Variants in RANBP9 observed in about 807,000 individuals in gnomAD.
RANBP9 encodes the protein RAN binding protein 9, also known as ran-binding protein 9.
Under a neutral mutation model 84.3 loss-of-function variants are expected in RANBP9, and 15 were observed. The observed-to-expected ratio is 0.18, with a 90% CI of 0.12 to 0.27. The LOEUF (loss-of-function observed/expected upper bound fraction) is 0.27. Ranked by LOEUF, RANBP9 falls within the 10% of genes least tolerant of loss-of-function variation. The pLI, the probability that RANBP9 is intolerant of heterozygous loss-of-function variation, is 1.00. For missense variants in RANBP9, 809 were observed against 912.8 expected (o/e 0.89, Z 1.46); for synonymous variants, 392 against 349.6 (o/e 1.12, Z -1.35).
intron 10 of RANBP9, among the ~76,000 whole-genome samples, chr6:13,637,338 G>C (rs573264124): frequency 2.6e-5 from 4 of 151,942 alleles, no homozygotes; most frequent in African/African-American, 7.3e-5. Context: ...AAGATTATTT[G>C]TAAAGTTAGT....
At chr6:13,665,785 C>G (rs576909524) in intron 2 of RANBP9, among the ~76,000 whole-genome samples, 2 of 152,200 alleles carry the variant, frequency 1.3e-5, no homozygotes, top group South Asian at 4.2e-4. Context: ...GCAACAAAAA[C>G]AAAAATACAA....
chr6:13,625,174 A>AT (rs1415810286), intron 13 of RANBP9, among the ~76,000 whole-genome samples: 2 of 152,108 alleles, frequency 1.3e-5, no homozygotes, highest in Non-Finnish European at 2.9e-5. Context: ...TCTTGTGACA[A>AT]TTATTAATCT....
chr6:13,655,710 G>C (rs1562306964), intron 4 of RANBP9, among the ~76,000 whole-genome samples: 1 of 152,046 alleles, frequency 6.6e-6, no homozygotes, highest in African/African-American at 2.4e-5. Flanking sequence ...AAGAGATTGT[G>C]GTTTTTTCAA....
chr6:13,655,630 T>TTG (rs1407050289), intron 4 of RANBP9, among the ~76,000 whole-genome samples: 2 of 152,184 alleles, frequency 1.3e-5, no homozygotes, highest in South Asian at 2.1e-4. Context: ...AATAAAATCA[T>TTG]TATCACCTGT....
At chr6:13,673,969 A>G (rs925890296) in intron 2 of RANBP9, among the ~76,000 whole-genome samples, 8 of 151,982 alleles carry the variant, frequency 5.3e-5, no homozygotes, top group Non-Finnish European at 1.2e-4. Context: ...TTGTAGTTCT[A>G]GCCACTTGGG....
chr6:13,702,903 C>T (rs1046212699), intron 1 of RANBP9, among the ~76,000 whole-genome samples: 1 of 152,172 alleles, frequency 6.6e-6, no homozygotes, highest in Non-Finnish European at 1.5e-5. Context: ...ACTGCTCTCC[C>T]TAAAGTCACA....
chr6:13,671,176 T>C (rs1765771606), intron 2 of RANBP9, among the ~76,000 whole-genome samples: 1 of 152,178 alleles, frequency 6.6e-6, no homozygotes, highest in Non-Finnish European at 1.5e-5. Context: ...TTGACAAGAA[T>C]GTGGAGAAAC....
At chr6:13,651,570 A>AC (rs1562305424) in intron 5 of RANBP9, among the ~76,000 whole-genome samples, 1 of 141,626 alleles carries the variant, frequency 7.1e-6, no homozygotes, top group African/African-American at 2.6e-5. Context: ...AATTTTTTGT[A>AC]TTTTTTTTTT....
intron 5 of RANBP9, among the ~76,000 whole-genome samples, chr6:13,648,685 A>C (rs1177223858): frequency 6.6e-6 from 1 of 152,228 alleles, no homozygotes; most frequent in Non-Finnish European, 1.5e-5. Flanking sequence ...TCTCAATAGC[A>C]CAGCTTTGGT....
At chr6:13,674,618 G>A (rs1000007568) in intron 2 of RANBP9, among the ~76,000 whole-genome samples, 1 of 152,154 alleles carries the variant, frequency 6.6e-6, no homozygotes, top group African/African-American at 2.4e-5. Context: ...CCACCACCCA[G>A]GCACAAGTGT....
intron 13 of RANBP9, among the ~76,000 whole-genome samples, chr6:13,623,109 G>C (rs758356664): frequency 2.6e-5 from 4 of 152,036 alleles, no homozygotes; most frequent in Admixed American, 1.3e-4. Flanking sequence ...AAATTTTCAG[G>C]GTCCTGCATA....
chr6:13,630,620 G>C (rs185782887), intron 12 of RANBP9, among the ~76,000 whole-genome samples: 1 of 152,026 alleles, frequency 6.6e-6, no homozygotes, highest in Non-Finnish European at 1.5e-5. Context: ...CAGGGGATCT[G>C]TGAAGTCAAA....
In RANBP9 at chr6:13,634,969, C is replaced by T. The variant is rs1434812736; in HGVS notation, c.1674-417G>A. On this transcript the variant is annotated intron_variant, in intron 10 of 13. Coordinates refer to ENST00000011619, the MANE Select transcript of RANBP9 (RefSeq NM_005493.3). ...GTATGTAAGGGGAAAACCTCACTCT[C>T]AAAACAAATACATCTCACTCCTGGA... 2.0e-5 allele frequency among the ~76,000 whole-genome samples: 3 copies of T among 152,142 alleles called. No individual in the cohort carries two copies. In the East Asian group the frequency reaches 5.8e-4, roughly 29 times the overall value.
intron 4 of RANBP9, among the ~76,000 whole-genome samples, chr6:13,652,942 T>G (rs1348984719): frequency 1.3e-5 from 2 of 152,202 alleles, no homozygotes; most frequent in Admixed American, 6.5e-5. Context: ...TCTCCAGGAT[T>G]TTTGAAATAC....
At chr6:13,650,700 A>G (rs1476008270) in intron 5 of RANBP9, among the ~76,000 whole-genome samples, 2 of 152,200 alleles carry the variant, frequency 1.3e-5, no homozygotes, top group Non-Finnish European at 2.9e-5. Flanking sequence ...GAGACATAAT[A>G]AGAGTAATCT....
intron 2 of RANBP9, among the ~76,000 whole-genome samples, chr6:13,682,998 C>T (rs139838561): frequency 2.0e-5 from 3 of 152,250 alleles, no homozygotes; most frequent in Non-Finnish European, 4.4e-5. Context: ...TTAACTCTGT[C>T]TTCTGTATGT....
chr6:13,634,278 C>T (rs759910819), intron 11 of RANBP9, among the ~76,000 whole-genome samples, 153 bp downstream of exon 11: 17 of 152,182 alleles, frequency 1.1e-4, no homozygotes, highest in Non-Finnish European at 2.1e-4. Flanking sequence ...CCCACTCAAA[C>T]AAGAGTTTAA....
At chr6:13,650,165 T>G (rs989199964) in intron 5 of RANBP9, among the ~76,000 whole-genome samples, 10 of 150,980 alleles carry the variant, frequency 6.6e-5, no homozygotes, top group African/African-American at 2.4e-4. Flanking sequence ...TGTGTTTTTT[T>G]GTTTTTTTTT....
chr6:13,642,512 G>T lies in RANBP9; in HGVS notation c.1192C>A (p.Leu398Ile), dbSNP rs745819739. ...AFARSTDQTV[L>I]EELASIKNRQ... ...TTCTTAATGGAAGCTAATTCTTCTA[G>T]AACGGTCTGGTCTGTAGATCTGGCA... The change falls in exon 7 of 14, where the codon CTA becomes ATA. Residue 398 changes from leucine (L) to isoleucine (I), a missense_variant. This residue lies in a region of RANBP9 where 216 missense variants were observed against 329.0 expected (regional missense o/e 0.66). Transcript: ENST00000011619. 6.2e-7 allele frequency: 1 copy of T among 1,607,944 alleles called. No homozygotes were observed. The highest frequency in any genetic ancestry group is 8.5e-7 in the Non-Finnish European group (1 of 1,175,918).
Sources: allele counts gnomAD v4.1 joint callset (sites outside exome capture counted in the v4.1 genomes callset), GRCh38; gene constraint gnomAD v4.1.1; regional missense constraint gnomAD v4.1.1; transcripts MANE v1.5; gene names NCBI Gene and HGNC (gene_info 2026-07-23, HGNC 2026-07-21).